IQGAP2: variants seen among roughly 807,000 people sequenced by gnomAD.
The protein encoded by IQGAP2 is ras GTPase-activating-like protein IQGAP2.
In IQGAP2, 173 loss-of-function variants were observed where a neutral mutation model predicts 201.3. The observed-to-expected ratio is 0.86, with a 90% confidence interval of 0.76 to 0.98. The LOEUF (loss-of-function observed/expected upper bound fraction) is 0.98, where lower values mean the gene tolerates loss of function less well. Among genes scored for constraint, IQGAP2 ranks in the 50% least tolerant of loss-of-function variants. The pLI is 0.00. For missense variants in IQGAP2, 1,687 were observed against 1,864.8 expected, an observed-to-expected ratio of 0.90 and a Z score of 1.76; for synonymous variants, 675 against 673.9, an observed-to-expected ratio of 1.00 and a Z score of -0.03.
chr5:76,547,502 C>T (rs924325632), intron 2 of IQGAP2: 5 of 749,360 alleles, frequency 6.7e-6, no homozygotes, highest in Admixed American at 6.3e-5. Context: ...TTCCTGCCTA[C>T]GTTGGGGCAA....
chr5:76,618,268 G>A (rs1749210382), intron 13 of IQGAP2: 2 of 1,614,158 alleles, frequency 1.2e-6, no homozygotes, highest in Non-Finnish European at 1.7e-6. Context: ...ATCTTAAAGG[G>A]CAATGTAACA....
intron 32 of IQGAP2, 126 bp downstream of exon 32, chr5:76,695,792 C>T (rs1236423544): frequency 7.4e-6 from 4 of 541,098 alleles, no homozygotes; most frequent in Non-Finnish European, 1.3e-5. Flanking sequence ...TTACTGCCCT[C>T]TTCAATGCTA....
At chr5:76,485,649 A>G (rs1756083702) in intron 2 of IQGAP2, among the ~76,000 whole-genome samples, 1 of 152,158 alleles carries the variant, frequency 6.6e-6, no homozygotes, top group Non-Finnish European at 1.5e-5. Context: ...TTGAATGTCC[A>G]TGTAGTCATT....
intron 1 of IQGAP2, among the ~76,000 whole-genome samples, chr5:76,442,666 G>A (rs1357380147): frequency 2.6e-5 from 4 of 152,140 alleles, no homozygotes; most frequent in Admixed American, 2.6e-4. Context: ...TGTAACCCCA[G>A]TTCTTTCTTA....
intron 16 of IQGAP2, 24 bp from the exon 17 acceptor site, chr5:76,640,909 A>G: frequency 6.5e-7 from 1 of 1,545,254 alleles, no homozygotes; most frequent in South Asian, 1.2e-5. Flanking sequence ...GTGAAGTGTA[A>G]CCATAAGAAA....
At chr5:76,529,652 A>G (rs1277103044) in intron 2 of IQGAP2, among the ~76,000 whole-genome samples, 2 of 148,176 alleles carry the variant, frequency 1.3e-5, no homozygotes, top group East Asian at 2.0e-4. Flanking sequence ...AATAATAATA[A>G]TAATAATAAT....
intron 2 of IQGAP2, among the ~76,000 whole-genome samples, chr5:76,493,797 C>A (rs1293299485): frequency 6.6e-6 from 1 of 152,168 alleles, no homozygotes; most frequent in South Asian, 2.1e-4. Context: ...TTTGCTCTTA[C>A]TAGTACGGCC....
rs538914645 is a variant in IQGAP2, at chr5:76,416,620, C to T, written c.46+13029C>T. On this transcript the variant is annotated intron_variant, in intron 1 of 35. Coordinates refer to ENST00000274364, the MANE Select transcript of IQGAP2 (RefSeq NM_006633.5). ...TTGGCTCACTGCAGTCTCCGCCTCC[C>T]GTGTTCAAGCGATTCTTCTGCCTCA... Among the ~76,000 whole-genome samples the T allele has an allele frequency of 1.6e-3, 250 of 151,662 alleles. 3 individuals carry two copies. The highest frequency in any genetic ancestry group is 3.4e-3 in the Middle Eastern group (1 of 290).
At chr5:76,451,488 GT>G (rs982925094) in intron 1 of IQGAP2, among the ~76,000 whole-genome samples, 16 of 152,072 alleles carry the variant, frequency 1.1e-4, no homozygotes, top group African/African-American at 3.9e-4. Flanking sequence ...TCTTTAGGCC[GT>G]TGGGCCTTCT....
intron 13 of IQGAP2, among the ~76,000 whole-genome samples, chr5:76,625,963 A>G (rs887385778): frequency 1.3e-5 from 2 of 152,246 alleles, no homozygotes; most frequent in African/African-American, 4.8e-5. Flanking sequence ...AGATTTTATA[A>G]AACACAATTG....
At chr5:76,498,773 C>T (rs1238916687) in intron 2 of IQGAP2, among the ~76,000 whole-genome samples, 5 of 152,166 alleles carry the variant, frequency 3.3e-5, no homozygotes, top group African/African-American at 9.7e-5. Flanking sequence ...CTCCTTAAGG[C>T]CCATTGGATC....
intron 11 of IQGAP2, among the ~76,000 whole-genome samples, chr5:76,604,836 T>C (rs1747688291): frequency 1.3e-5 from 2 of 152,316 alleles, no homozygotes; most frequent in Admixed American, 6.5e-5. Context: ...TACCACCATT[T>C]CCTATTTTTG....
chr5:76,418,295 AC>A (rs1307545813), intron 1 of IQGAP2, among the ~76,000 whole-genome samples: 2 of 152,024 alleles, frequency 1.3e-5, no homozygotes, highest in Non-Finnish European at 2.9e-5. Context: ...TTGAGACGTA[AC>A]TTTTTTGAAT....
At chr5:76,561,903 GC>G (rs1744399497) in intron 2 of IQGAP2, among the ~76,000 whole-genome samples, 1 of 152,152 alleles carries the variant, frequency 6.6e-6, no homozygotes, top group Non-Finnish European at 1.5e-5. Context: ...TAATTCCAAT[GC>G]CCCTTTTCCA....
intron 1 of IQGAP2, among the ~76,000 whole-genome samples, chr5:76,427,929 G>C (rs190325366): frequency 1.0e-3 from 152 of 152,320 alleles, no homozygotes; most frequent in African/African-American, 3.6e-3. Context: ...CCCTGAGCCC[G>C]TCTGCAGCCT....
intron 23 of IQGAP2, among the ~76,000 whole-genome samples, chr5:76,670,483 C>T (rs1744211253): frequency 6.6e-6 from 1 of 152,128 alleles, no homozygotes; most frequent in Non-Finnish European, 1.5e-5. Context: ...CACTGCACTC[C>T]AGCCTGGGCG....
At chr5:76,434,082 C>T (rs57915897) in intron 1 of IQGAP2, among the ~76,000 whole-genome samples, 17,384 of 152,168 alleles carry the variant, frequency 0.11, 2,703 homozygotes, top group African/African-American at 0.35. Flanking sequence ...TAAAAGTAAT[C>T]AAACCTTCAA....
intron 8 of IQGAP2, among the ~76,000 whole-genome samples, chr5:76,592,014 C>A (rs1202919758): frequency 6.6e-6 from 1 of 152,192 alleles, no homozygotes; most frequent in South Asian, 2.1e-4. Flanking sequence ...ACCTTCTAGT[C>A]TCACCAGTCT....
chr5:76,507,330 C>T (rs1354044132), intron 2 of IQGAP2, among the ~76,000 whole-genome samples: 1 of 152,008 alleles, frequency 6.6e-6, no homozygotes. Flanking sequence ...AAAAATGAAC[C>T]CAGACACAGA....
Sources: gnomAD v4.1 joint callset for allele counts (sites outside exome capture counted in the v4.1 genomes callset) on GRCh38, gnomAD v4.1.1 for gene constraint, MANE v1.5 for transcripts, NCBI Gene and HGNC (gene_info 2026-07-23, HGNC 2026-07-21) for gene names.